Variants in PDE1C observed in about 807,000 individuals in gnomAD.
The protein encoded by PDE1C is phosphodiesterase 1C, also known as dual specificity calcium/calmodulin-dependent 3',5'-cyclic nucleotide phosphodiesterase 1C.
A neutral mutation model predicts 93.1 loss-of-function variants in PDE1C; 62 were observed. That is an observed-to-expected ratio of 0.67 (90% CI 0.54 to 0.82). The LOEUF (loss-of-function observed/expected upper bound fraction) is 0.82. PDE1C is among the 40% of genes least tolerant of loss of function. The pLI, the probability that PDE1C is intolerant of heterozygous loss-of-function variation, is 0.00. For synonymous variants in PDE1C, 325 were observed against 310.1 expected (o/e 1.05, Z -0.50); for missense variants, 742 against 884.6 (o/e 0.84, Z 2.04).
intron 1 of PDE1C, among the ~76,000 whole-genome samples, chr7:32,215,465 C>T (rs1444551734): frequency 6.6e-6 from 1 of 152,188 alleles, no homozygotes; most frequent in Non-Finnish European, 1.5e-5. Flanking sequence ...ATATAAAGGA[C>T]ATGTTCCCCT....
chr7:31,617,373 T>G, the PDE1C span, among the ~76,000 whole-genome samples: 2 of 152,186 alleles, frequency 1.3e-5, no homozygotes, highest in Non-Finnish European at 2.9e-5. Context: ...GTATCATACC[T>G]CTATGTAGTA....
At chr7:32,408,682 G>A (rs560762621) in intron 1 of PDE1C, among the ~76,000 whole-genome samples, 5 of 152,248 alleles carry the variant, frequency 3.3e-5, no homozygotes, top group African/African-American at 1.2e-4. Flanking sequence ...CCAGCTACTT[G>A]GGAGGCTGAG....
the PDE1C span, among the ~76,000 whole-genome samples, chr7:31,676,148 G>T: frequency 1.5e-3 from 226 of 152,312 alleles, 2 homozygotes; most frequent in Middle Eastern, 3.4e-3. Context: ...ATACGCCAGT[G>T]CAGCTAAGCC....
chr7:31,955,434 A>G (rs544897091), intron 2 of PDE1C, among the ~76,000 whole-genome samples: 6 of 152,296 alleles, frequency 3.9e-5, no homozygotes, highest in Middle Eastern at 3.4e-3. Flanking sequence ...AATCAAAACA[A>G]AATGCTGAAA....
chr7:31,803,335 T>C (rs1345251628), intron 16 of PDE1C, among the ~76,000 whole-genome samples: 1 of 151,852 alleles, frequency 6.6e-6, no homozygotes, highest in East Asian at 1.9e-4. Flanking sequence ...TTTTATGTAT[T>C]TGTCTGCTAA....
At chr7:31,768,665 C>T (rs1013009575) in intron 17 of PDE1C, among the ~76,000 whole-genome samples, 4 of 152,130 alleles carry the variant, frequency 2.6e-5, no homozygotes, top group African/African-American at 9.7e-5. Context: ...ACACAAAAGT[C>T]GGATGTTATT....
intron 2 of PDE1C, among the ~76,000 whole-genome samples, chr7:32,202,822 G>A (rs1183238958): frequency 6.6e-6 from 1 of 152,038 alleles, no homozygotes; most frequent in African/African-American, 2.4e-5. Context: ...TTGATTGATT[G>A]GTTGGTTTTT....
At chr7:31,958,820 C>T (rs1808505562) in intron 2 of PDE1C, among the ~76,000 whole-genome samples, 1 of 151,988 alleles carries the variant, frequency 6.6e-6, no homozygotes, top group South Asian at 2.1e-4. Context: ...CCCTGGATCC[C>T]CCTCATATCC....
At chr7:31,692,848 A>G in the PDE1C span, among the ~76,000 whole-genome samples, 1 of 152,224 alleles carries the variant, frequency 6.6e-6, no homozygotes, top group Non-Finnish European at 1.5e-5. Flanking sequence ...GTGTCAGTAC[A>G]GCTTGTTTCC....
the PDE1C span, among the ~76,000 whole-genome samples, chr7:31,697,596 C>A: frequency 2.6e-5 from 4 of 152,070 alleles, no homozygotes; most frequent in African/African-American, 9.7e-5. Flanking sequence ...TGAGCACAGC[C>A]CCAGTCTGTA....
At chr7:32,039,288 C>CA (rs150436934) in intron 2 of PDE1C, among the ~76,000 whole-genome samples, 1,642 of 152,072 alleles carry the variant, frequency 0.011, 30 homozygotes, top group African/African-American at 0.038. Flanking sequence ...TAAAATTATC[C>CA]AAAAAATCAT....
intron 1 of PDE1C, among the ~76,000 whole-genome samples, chr7:32,343,539 A>T (rs215676): frequency 0.8 from 121,774 of 152,154 alleles, 49,058 homozygotes; most frequent in Admixed American, 0.85. Flanking sequence ...GGGCACATGG[A>T]GAGATAGTTC....
intron 1 of PDE1C, among the ~76,000 whole-genome samples, chr7:32,348,732 G>A (rs959799752): frequency 2.6e-5 from 4 of 152,046 alleles, no homozygotes; most frequent in African/African-American, 9.7e-5. Flanking sequence ...TCTGGGGTAG[G>A]GGGACTCCCC....
chr7:32,258,380 G>A (rs1204182377), intron 1 of PDE1C, among the ~76,000 whole-genome samples: 3 of 152,204 alleles, frequency 2.0e-5, no homozygotes, highest in Admixed American at 1.3e-4. Context: ...CAATATTGGC[G>A]TTGACTATTA....
intron 6 of PDE1C, among the ~76,000 whole-genome samples, 163 bp from the exon 7 acceptor site, chr7:31,865,245 T>G (rs76698249): frequency 1.3e-5 from 2 of 152,226 alleles, no homozygotes; most frequent in Non-Finnish European, 2.9e-5. Context: ...ATCAGATAAT[T>G]TGAAAATCTA....
chr7:32,263,171 T>C (rs562626514), intron 1 of PDE1C, among the ~76,000 whole-genome samples: 5 of 152,304 alleles, frequency 3.3e-5, no homozygotes, highest in African/African-American at 4.8e-5. Context: ...AAGAGCACAA[T>C]GTATTGTTTT....
At chr7:31,819,130 C>T (rs1788639783) in intron 14 of PDE1C, among the ~76,000 whole-genome samples, 1 of 152,078 alleles carries the variant, frequency 6.6e-6, no homozygotes, top group African/African-American at 2.4e-5. Context: ...GATTTCTCTA[C>T]AGCAATCATG....
intron 1 of PDE1C, among the ~76,000 whole-genome samples, chr7:32,383,623 A>T (rs1784571551): frequency 6.6e-6 from 1 of 151,948 alleles, no homozygotes; most frequent in South Asian, 2.1e-4. Context: ...AATGCCTGAT[A>T]TAATAATTAT....
chr7:31,650,057 A>G, the PDE1C span, among the ~76,000 whole-genome samples: 3 of 152,224 alleles, frequency 2.0e-5, no homozygotes, highest in African/African-American at 7.2e-5. Context: ...AGCCAGCAGT[A>G]ACTGAAGTTA....
Sources: gnomAD v4.1 joint callset for allele counts (sites outside exome capture counted in the v4.1 genomes callset) on GRCh38, gnomAD v4.1.1 for gene constraint, MANE v1.5 for transcripts, NCBI Gene and HGNC (gene_info 2026-07-23, HGNC 2026-07-21) for gene names.